Variants in FBXL17 observed in about 807,000 individuals in gnomAD.
The protein encoded by FBXL17 is F-box and leucine rich repeat protein 17, also known as F-box/LRR-repeat protein 17.
Under a neutral mutation model 66.2 loss-of-function variants are expected in FBXL17, and 22 were observed. The observed-to-expected ratio is 0.33, with a 90% CI of 0.24 to 0.47. The LOEUF (loss-of-function observed/expected upper bound fraction) is 0.47, where lower values mean the gene tolerates loss of function less well. Among genes scored for constraint, FBXL17 ranks in the 20% least tolerant of loss-of-function variants. The pLI, the probability that FBXL17 is intolerant of heterozygous loss-of-function variation, is 1.00. For synonymous variants in FBXL17, 474 were observed against 400.5 expected, an observed-to-expected ratio of 1.18 and a Z score of -2.19; for missense variants, 878 against 948.2, an observed-to-expected ratio of 0.93 and a Z score of 0.97.
chr5:108,245,503 A>T (rs1756054556), intron 4 of FBXL17, among the ~76,000 whole-genome samples: 1 of 152,222 alleles, frequency 6.6e-6, no homozygotes, highest in South Asian at 2.1e-4. Context: ...TACATTTTTC[A>T]TCATGTCAGA....
intron 6 of FBXL17, among the ~76,000 whole-genome samples, chr5:108,185,378 G>A (rs1349917431): frequency 6.6e-6 from 1 of 152,144 alleles, no homozygotes; most frequent in Admixed American, 6.5e-5. Context: ...GTCTAAAAAT[G>A]TGTAGTACCT....
intron 7 of FBXL17, among the ~76,000 whole-genome samples, chr5:107,920,758 G>A (rs1449458648): frequency 2.0e-5 from 3 of 152,060 alleles, no homozygotes; most frequent in Non-Finnish European, 4.4e-5. Flanking sequence ...CCTTCTCCAG[G>A]AAGTACCTAA....
At chr5:108,266,224 T>C (rs1757039965) in intron 4 of FBXL17, among the ~76,000 whole-genome samples, 1 of 152,126 alleles carries the variant, frequency 6.6e-6, no homozygotes, top group Non-Finnish European at 1.5e-5. Flanking sequence ...AATACAGTAG[T>C]CTCCCTTATC....
At chr5:108,042,343 C>T (rs1021745760) in intron 6 of FBXL17, among the ~76,000 whole-genome samples, 3 of 152,186 alleles carry the variant, frequency 2.0e-5, no homozygotes, top group Non-Finnish European at 4.4e-5. Context: ...GACATTGATA[C>T]AGTTGCACAG....
At chr5:107,970,714 G>A (rs1252045041) in intron 7 of FBXL17, among the ~76,000 whole-genome samples, 1 of 152,132 alleles carries the variant, frequency 6.6e-6, no homozygotes, top group Non-Finnish European at 1.5e-5. Flanking sequence ...TCTTGCCAGA[G>A]TGGAAAAAGA....
chr5:108,115,471 T>C (rs1400581916), intron 6 of FBXL17, among the ~76,000 whole-genome samples: 1 of 152,056 alleles, frequency 6.6e-6, no homozygotes. Context: ...TATGTAAATC[T>C]CATTGGCTCA....
chr5:108,332,905 G>T (rs1383944730), intron 4 of FBXL17, among the ~76,000 whole-genome samples: 1 of 116,796 alleles, frequency 8.6e-6, no homozygotes, highest in African/African-American at 3.2e-5. Context: ...AAGTGGCCAG[G>T]GCAAACATGT....
At chr5:108,379,105 A>G (rs1043679169) in intron 1 of FBXL17, among the ~76,000 whole-genome samples, 6 of 152,230 alleles carry the variant, frequency 3.9e-5, no homozygotes, top group African/African-American at 1.4e-4. Context: ...GCGGTATAGG[A>G]TAAGTTTATT....
chr5:108,268,489 G>A (rs1477598361), intron 4 of FBXL17, among the ~76,000 whole-genome samples: 1 of 151,952 alleles, frequency 6.6e-6, no homozygotes, highest in Admixed American at 6.6e-5. Context: ...TTTTTCTTCT[G>A]AGATGCATCA....
intron 4 of FBXL17, among the ~76,000 whole-genome samples, chr5:108,230,930 A>C (rs950343829): frequency 2.8e-5 from 4 of 141,682 alleles, no homozygotes; most frequent in African/African-American, 1.0e-4. Context: ...CTGTACTCCA[A>C]TAAGTTATGG....
chr5:108,251,001 T>C (rs889410976), intron 4 of FBXL17, among the ~76,000 whole-genome samples: 5 of 146,734 alleles, frequency 3.4e-5, no homozygotes, highest in African/African-American at 7.4e-5. Context: ...ATCTAAGTTA[T>C]TGCCTATTTT....
At position 108,133,147 on chromosome 5, in the gene FBXL17, T is replaced by A. The variant is rs189545014; in HGVS notation, c.1745+52970A>T. On this transcript the variant is annotated intron_variant, in intron 6 of 8. Transcript: ENST00000542267. ...CACTATGATGACAATTTTAAAAGCA[T>A]TATTCGTAAAAGATGTAGGAAAAGC... Among the ~76,000 whole-genome samples, 1,079 of 152,254 alleles carry A rather than the reference T, an allele frequency of 7.1e-3. 8 individuals carry two copies. Among genetic ancestry groups the A allele is most frequent in the Middle Eastern group, 0.02 (6 of 294 alleles).
At chr5:108,300,073 C>G (rs2150176623) in intron 4 of FBXL17, among the ~76,000 whole-genome samples, 1 of 152,052 alleles carries the variant, frequency 6.6e-6, no homozygotes, top group African/African-American at 2.4e-5. Flanking sequence ...ATCAGCAGTT[C>G]ACTTAAGATT....
intron 3 of FBXL17, among the ~76,000 whole-genome samples, chr5:108,362,250 G>GA (rs1450942726): frequency 3.3e-5 from 5 of 152,044 alleles, no homozygotes; most frequent in Admixed American, 6.6e-5. Context: ...CATTTTATCT[G>GA]AAAAAAGCCT....
In FBXL17 at chr5:108,162,328, A is replaced by C. The variant is rs72791215; in HGVS notation, c.1745+23789T>G. On this transcript the variant is annotated intron_variant, in intron 6 of 8. Transcript: ENST00000542267. ...GCCTGAGTAAGACTCCATCTCCATA[A>C]AAAATGTAAAAATTAGCTAAGCGTG... Among the ~76,000 whole-genome samples the C allele has an allele frequency of 3.7e-3, 565 of 152,116 alleles. 4 individuals are homozygous for C. The highest frequency in any genetic ancestry group is 5.1e-3 in the Non-Finnish European group (348 of 67,972).
chr5:108,313,849 A>C (rs1400849151), intron 4 of FBXL17, among the ~76,000 whole-genome samples: 1 of 151,864 alleles, frequency 6.6e-6, no homozygotes, highest in African/African-American at 2.4e-5. Context: ...ACAGTATTCT[A>C]TTTATTTTAC....
In FBXL17 at chr5:108,056,967, G is replaced by C. The variant is rs548317749; in HGVS notation, c.1746-35966C>G. ...GACAGAATAAGCAGCCAGGTCGTTA[G>C]AGACATAGCCCAGTAATCTGGACCT... On this transcript the variant is annotated intron_variant, in intron 6 of 8. Coordinates refer to ENST00000542267, the MANE Select transcript of FBXL17 (RefSeq NM_001163315.3). Among the ~76,000 whole-genome samples the C allele has an allele frequency of 8.5e-5, 13 of 152,280 alleles. No individual in the cohort carries two copies. The South Asian group carries it at 2.7e-3, about 32-fold the overall frequency.
chr5:107,935,551 G>A (rs935945632), intron 7 of FBXL17, among the ~76,000 whole-genome samples: 1 of 152,002 alleles, frequency 6.6e-6, no homozygotes, highest in African/African-American at 2.4e-5. Context: ...GAAAGAAGAC[G>A]AATGTGCTTT....
chr5:108,068,752 C>A (rs113915004), intron 6 of FBXL17, among the ~76,000 whole-genome samples: 1 of 152,224 alleles, frequency 6.6e-6, no homozygotes, highest in African/African-American at 2.4e-5. Flanking sequence ...CCACTGCGCC[C>A]GGCCAATACT....
Sources: allele counts gnomAD v4.1 joint callset (sites outside exome capture counted in the v4.1 genomes callset), GRCh38; gene constraint gnomAD v4.1.1; transcripts MANE v1.5; gene names NCBI Gene and HGNC (gene_info 2026-07-23, HGNC 2026-07-21).